The following CDK15 variants were observed in gnomAD, a reference collection of about 807,000 sequenced individuals.
The protein encoded by CDK15 is cyclin dependent kinase 15, also known as cyclin-dependent kinase 15.
In CDK15, 62 loss-of-function variants were observed where a neutral mutation model predicts 60.3. That is an observed-to-expected ratio of 1.03 (90% confidence interval 0.84 to 1.27). The LOEUF is 1.27. CDK15 is among the 50% of genes most tolerant of loss of function. CDK15 has a pLI of 0.00. For synonymous variants in CDK15, 194 were observed against 195.7 expected (o/e 0.99, Z 0.07); for missense variants, 541 against 527.8 (o/e 1.03, Z -0.25).
intron 4 of CDK15, among the ~76,000 whole-genome samples, chr2:201,817,439 T>A (rs1254433236): frequency 6.6e-6 from 1 of 152,240 alleles, no homozygotes; most frequent in Non-Finnish European, 1.5e-5. Context: ...AAGAAATATT[T>A]TAAAGAAAAT....
chr2:201,879,524 T>C (rs139248238), intron 11 of CDK15, among the ~76,000 whole-genome samples: 2,138 of 152,158 alleles, frequency 0.014, 54 homozygotes, highest in African/African-American at 0.049. Context: ...GGATTACAGG[T>C]GCATGCCACC....
chr2:201,879,795 G>GCT (rs1446538572), intron 11 of CDK15, among the ~76,000 whole-genome samples: 2 of 152,176 alleles, frequency 1.3e-5, no homozygotes, highest in African/African-American at 4.8e-5. Context: ...GGGCAAGGGA[G>GCT]CTGAGTGATA....
intron 12 of CDK15, chr2:201,888,894 A>G (rs1049900114): frequency 4.9e-5 from 49 of 1,009,170 alleles, no homozygotes; most frequent in Middle Eastern, 4.9e-4. Flanking sequence ...TTGGTAAAGT[A>G]TACGCACTGT....
chr2:201,832,174 T>C (rs1236162652), intron 6 of CDK15, among the ~76,000 whole-genome samples: 1 of 151,950 alleles, frequency 6.6e-6, no homozygotes, highest in Admixed American at 6.6e-5. Flanking sequence ...GCCTCCCGAG[T>C]AGCTGGGATT....
intron 10 of CDK15, among the ~76,000 whole-genome samples, chr2:201,862,763 G>A (rs954451094): frequency 1.5e-4 from 23 of 152,144 alleles, no homozygotes; most frequent in Non-Finnish European, 7.3e-5. Context: ...ACACCTGTTG[G>A]ACTCCAAGTG....
intron 6 of CDK15, among the ~76,000 whole-genome samples, chr2:201,832,753 T>G (rs1696815606): frequency 6.6e-6 from 1 of 152,250 alleles, no homozygotes; most frequent in Non-Finnish European, 1.5e-5. Context: ...TCTCCAGGTC[T>G]TTGTTAGATC....
At chr2:201,887,057 T>C (rs902816159) in intron 12 of CDK15, among the ~76,000 whole-genome samples, 32 of 152,246 alleles carry the variant, frequency 2.1e-4, no homozygotes, top group Non-Finnish European at 3.1e-4. Flanking sequence ...AAAATGTTCA[T>C]TGCAGTGTTG....
In CDK15 at chr2:201,865,892, C is replaced by CCAAAA. The variant is rs753825925; in HGVS notation, c.1010-6386_1010-6385insCAAAA. On this transcript the variant is annotated intron_variant, in intron 10 of 13. Transcript: ENST00000652192. ...GCGACAGAGCAAGATTCCATCTCAA[C>CCAAAA]AAAAAAAAAAAAAAAAAAAAAAAAA... Among the ~76,000 whole-genome samples, 2 of 40,092 alleles carry CCAAAA rather than the reference C, an allele frequency of 5.0e-5. 1 individual carries two copies. The highest frequency in any genetic ancestry group is 1.5e-4 in the African/African-American group (2 of 13,594). 26.3% of individuals were successfully genotyped at this position (40,092 alleles called of 152,430 possible).
chr2:201,872,426 C>T (rs1698883988), intron 11 of CDK15, 100 bp downstream of exon 11: 1 of 1,259,422 alleles, frequency 7.9e-7, no homozygotes. Flanking sequence ...CCCCCGAGCA[C>T]TTCCATGTGG....
At position 201,816,192 on chromosome 2, in the gene CDK15, A is replaced by G. The variant is rs7574861; in HGVS notation, c.448+3630A>G. On this transcript the variant is annotated intron_variant, in intron 4 of 13. Transcript: ENST00000652192. ...GTTTGTTACATGAGTATATTGCATG[A>G]TGCTGAGGTATCTTGTCACCCAAAT... 7.3e-3 allele frequency among the ~76,000 whole-genome samples: 1,108 copies of G among 152,242 alleles called. 17 individuals are homozygous for G. Among genetic ancestry groups the G allele is most frequent in the African/African-American group, 0.026 (1,062 of 41,534 alleles).
chr2:201,884,862 G>T (rs1192744057), intron 12 of CDK15, among the ~76,000 whole-genome samples: 1 of 152,218 alleles, frequency 6.6e-6, no homozygotes, highest in African/African-American at 2.4e-5. Context: ...ATTAGTCATA[G>T]ACCCTGTCCT....
chr2:201,823,165 T>C (rs1327052184), intron 5 of CDK15, among the ~76,000 whole-genome samples: 1 of 152,166 alleles, frequency 6.6e-6, no homozygotes, highest in African/African-American at 2.4e-5. Flanking sequence ...TAAATAAAAC[T>C]TTTGCACTTA....
intron 11 of CDK15, chr2:201,876,578 G>A (rs1457259423): frequency 7.8e-7 from 1 of 1,288,210 alleles, no homozygotes; most frequent in Non-Finnish European, 1.0e-6. Context: ...TACCGGCGAA[G>A]GAGAAGGAGA....
At chr2:201,838,958 T>C (rs1052684850) in intron 8 of CDK15, among the ~76,000 whole-genome samples, 1 of 152,210 alleles carries the variant, frequency 6.6e-6, no homozygotes, top group East Asian at 1.9e-4. Context: ...TTGTTTTTTT[T>C]TGAGACGGAG....
intron 10 of CDK15, among the ~76,000 whole-genome samples, chr2:201,857,777 C>T (rs1698208140): frequency 6.6e-6 from 1 of 152,132 alleles, no homozygotes; most frequent in East Asian, 1.9e-4. Flanking sequence ...AAAGGGTCTC[C>T]AACATCTGCA....
At chr2:201,884,522 T>G (rs1699390112) in intron 12 of CDK15, among the ~76,000 whole-genome samples, 1 of 152,206 alleles carries the variant, frequency 6.6e-6, no homozygotes, top group Non-Finnish European at 1.5e-5. Flanking sequence ...AGTCGTGTTT[T>G]GTTTTGGTTC....
Position 201,882,134 on chromosome 2 carries a change from C to T in CDK15, c.1198+1967C>T, listed in dbSNP as rs1408077767. Among the ~76,000 whole-genome samples the T allele has an allele frequency of 6.6e-6, 1 of 152,110 alleles. No homozygotes were observed. Among genetic ancestry groups the T allele is most frequent in the Non-Finnish European group, 1.5e-5 (1 of 68,018 alleles). On this transcript the variant is annotated intron_variant, in intron 12 of 13. Transcript: ENST00000652192. The surrounding 1 kb of genome is among the most constrained non-coding windows in gnomAD (Gnocchi z 4.0). ...GCTGACCCAAAAGCAAAGCCACCAACAGAGGGGCCGTGGTGCATGGGTATC... is the reference window on the plus strand; with the variant it reads ...GCTGACCCAAAAGCAAAGCCACCAATAGAGGGGCCGTGGTGCATGGGTATC...
At chr2:201,812,355 A>C (rs1199924923) in intron 3 of CDK15, 128 bp from the exon 4 acceptor site, 2 of 562,956 alleles carry the variant, frequency 3.6e-6, no homozygotes, top group Non-Finnish European at 6.4e-6. Context: ...TTTTATTTTG[A>C]GAAAATTATA....
chr2:201,858,496 T>A (rs1698244787), intron 10 of CDK15, among the ~76,000 whole-genome samples: 1 of 151,442 alleles, frequency 6.6e-6, no homozygotes, highest in Non-Finnish European at 1.5e-5. Context: ...GGCTGAGAAC[T>A]CTGTGTCCTC....
Sources: gnomAD v4.1 joint callset for allele counts (sites outside exome capture counted in the v4.1 genomes callset) on GRCh38, gnomAD v4.1.1 for gene constraint, Gnocchi (gnomAD v3.1) non-coding constraint, MANE v1.5 for transcripts, NCBI Gene and HGNC (gene_info 2026-07-23, HGNC 2026-07-21) for gene names.